Variants in SUCLG1 observed in about 807,000 individuals in gnomAD.
SUCLG1 encodes the protein succinate--CoA ligase [ADP/GDP-forming] subunit alpha, mitochondrial.
In SUCLG1, 26 loss-of-function variants were observed where a neutral mutation model predicts 37.3. The observed-to-expected ratio is 0.70, with a 90% CI of 0.51 to 0.97. The LOEUF (loss-of-function observed/expected upper bound fraction) is 0.97, where lower values mean the gene tolerates loss of function less well. Ranked by LOEUF, SUCLG1 falls within the 50% of genes least tolerant of loss-of-function variation. The pLI is 0.00. For synonymous variants in SUCLG1, 163 were observed against 155.6 expected (o/e 1.05, Z -0.36); for missense variants, 433 against 432.9 (o/e 1.00, Z 0.00).
intron 8 of SUCLG1, among the ~76,000 whole-genome samples, chr2:84,424,561 G>A (rs755192004): frequency 1.3e-5 from 2 of 152,016 alleles, no homozygotes; most frequent in Non-Finnish European, 2.9e-5. Flanking sequence ...CTAAGACAAG[G>A]GCAAAGAAGA....
At chr2:84,433,885 C>T (rs942150553) in intron 5 of SUCLG1, 4 of 193,104 alleles carry the variant, frequency 2.1e-5, no homozygotes, top group Non-Finnish European at 4.3e-5. Flanking sequence ...AGGTGGGGCC[C>T]GGTGGGAGGT....
At chr2:84,436,731 A>C (rs2104248810) in intron 5 of SUCLG1, among the ~76,000 whole-genome samples, 1 of 152,368 alleles carries the variant, frequency 6.6e-6, no homozygotes, top group South Asian at 2.1e-4. Flanking sequence ...AATTAAGAAC[A>C]ATGTTCTCCT....
intron 2 of SUCLG1, among the ~76,000 whole-genome samples, chr2:84,445,589 C>T (rs1025821718): frequency 2.0e-4 from 31 of 152,204 alleles, no homozygotes; most frequent in African/African-American, 6.3e-4. Flanking sequence ...GACAACTTCA[C>T]GCCTTACAGA....
chr2:84,449,879 G>T (rs1203836114), intron 1 of SUCLG1, 127 bp from the exon 2 acceptor site: 2 of 648,476 alleles, frequency 3.1e-6, no homozygotes, highest in Non-Finnish European at 5.3e-6. Flanking sequence ...CTGTGATCAC[G>T]GCAAACCTAA....
intron 1 of SUCLG1, among the ~76,000 whole-genome samples, chr2:84,449,984 C>CACG (rs2104264399): frequency 6.6e-6 from 1 of 152,124 alleles, no homozygotes; most frequent in South Asian, 2.1e-4. Flanking sequence ...TATCAAGAAC[C>CACG]ACGATCTTGT....
At chr2:84,456,830 AT>A (rs1673028239) in intron 1 of SUCLG1, among the ~76,000 whole-genome samples, 1 of 151,836 alleles carries the variant, frequency 6.6e-6, no homozygotes, top group South Asian at 2.1e-4. Context: ...CACCTGGCTA[AT>A]TTTTGTATTT....
rs2104266028 is a variant in SUCLG1 at position 84,451,348 on chromosome 2, G to T, written c.98-1596C>A. Among the ~76,000 whole-genome samples, 3 of 152,302 alleles carry T rather than the reference G, an allele frequency of 2.0e-5. 1 individual carries two copies. The Middle Eastern group carries it at 0.01, about 518-fold the overall frequency. On this transcript the variant is annotated intron_variant, in intron 1 of 8. Transcript: ENST00000393868. Reference sequence around the variant, plus strand: ...GGTAGAAGATTTGATTATAAGATCAGATGTTATGATCAGGATATCTGGAGT... The same window carrying T: ...GGTAGAAGATTTGATTATAAGATCATATGTTATGATCAGGATATCTGGAGT...
Position 84,423,730 on chromosome 2 carries a change from G to A in SUCLG1, c.*16C>T, listed in dbSNP as rs1672490864. The A allele has an allele frequency of 1.3e-6, 2 of 1,597,744 alleles. No individual in the cohort carries two copies. The highest frequency in any genetic ancestry group is 1.3e-5 in the African/African-American group (1 of 74,764). On this transcript the variant is annotated 3_prime_UTR_variant, in exon 9 of 9. Coordinates refer to ENST00000393868, the MANE Select transcript of SUCLG1 (RefSeq NM_003849.4). ...TACGTGATCCATTCCACAGTTTTAG[G>A]AATTTTTTTTTTCTTTCATAGCATC...
chr2:84,454,659 A>T (rs575715069), intron 1 of SUCLG1, among the ~76,000 whole-genome samples: 3 of 152,362 alleles, frequency 2.0e-5, no homozygotes, highest in African/African-American at 7.2e-5. Context: ...AAACTGTAAT[A>T]AAGACAATGA....
At chr2:84,457,001 A>T (rs970367998) in intron 1 of SUCLG1, among the ~76,000 whole-genome samples, 1 of 152,124 alleles carries the variant, frequency 6.6e-6, no homozygotes, top group Non-Finnish European at 1.5e-5. Context: ...AGGGCTCCGG[A>T]AGGCATCTAC....
At chr2:84,431,379 G>T in intron 7 of SUCLG1, 129 bp downstream of exon 7, 3 of 1,127,878 alleles carry the variant, frequency 2.7e-6, no homozygotes, top group Non-Finnish European at 3.9e-6. Flanking sequence ...AGTATAGAAG[G>T]CCCTGCTCAG....
intron 3 of SUCLG1, 62 bp downstream of exon 3, chr2:84,443,222 C>G (rs994591984): frequency 5.4e-5 from 77 of 1,414,080 alleles, no homozygotes; most frequent in Non-Finnish European, 9.0e-6. Flanking sequence ...GATCTCTACC[C>G]AAAGAATGCT....
chr2:84,456,653 T>A (rs1170348382), intron 1 of SUCLG1, among the ~76,000 whole-genome samples: 1 of 152,048 alleles, frequency 6.6e-6, no homozygotes, highest in African/African-American at 2.4e-5. Flanking sequence ...CCACTTCAAC[T>A]GGATCCTTTT....
intron 2 of SUCLG1, among the ~76,000 whole-genome samples, chr2:84,447,496 A>G (rs774905169): frequency 1.3e-5 from 2 of 152,196 alleles, no homozygotes; most frequent in Non-Finnish European, 2.9e-5. Flanking sequence ...ATGTCACATA[A>G]TCATATAATA....
intron 7 of SUCLG1, chr2:84,425,877 T>C (rs1046220387): frequency 2.4e-5 from 11 of 465,852 alleles, no homozygotes; most frequent in African/African-American, 2.2e-4. Context: ...CATGACGCTA[T>C]CATTTGAAAA....
rs192187935 is a variant in SUCLG1 at position 84,454,349 on chromosome 2, G to A, written c.98-4597C>T. ...AGGCGCAGCCCTCACTGTAAAACAC[G>A]GACAATAATAGTATCTCCTTCATAG... On this transcript the variant is annotated intron_variant, in intron 1 of 8. Transcript: ENST00000393868. Among the ~76,000 whole-genome samples the A allele has an allele frequency of 2.4e-3, 360 of 152,286 alleles. 2 individuals are homozygous for A. In the Middle Eastern group the frequency reaches 0.027, roughly 12 times the overall value.
At chr2:84,443,426 T>C (rs761610166) in intron 2 of SUCLG1, 26 bp from the exon 3 acceptor site, 15 of 1,603,982 alleles carry the variant, frequency 9.4e-6, no homozygotes, top group Non-Finnish European at 1.3e-5. Flanking sequence ...ACAAGATCCA[T>C]GAGAAACAGC....
intron 6 of SUCLG1, chr2:84,432,403 C>G (rs1052697266): frequency 6.6e-6 from 1 of 152,206 alleles, no homozygotes; most frequent in Non-Finnish European, 1.5e-5. Context: ...AAGTGCCAAC[C>G]GTGTGTCAAG....
At position 84,434,958 on chromosome 2, in the gene SUCLG1, C is replaced by T. The variant is rs547026746; in HGVS notation, c.590-1523G>A. The stretch of plus-strand genomic sequence containing the variant: ...CGTAACTTAGTCATTGCTAAGCAGA[C>T]CCTACAGAACACTGTCAGATTGCTC... On this transcript the variant is annotated intron_variant, in intron 5 of 8. Transcript: ENST00000393868. 4.6e-5 allele frequency among the ~76,000 whole-genome samples: 7 copies of T among 152,278 alleles called. No homozygotes were observed. In the East Asian group the frequency reaches 1.4e-3, roughly 29 times the overall value.
Sources: allele counts gnomAD v4.1 joint callset (sites outside exome capture counted in the v4.1 genomes callset), GRCh38; gene constraint gnomAD v4.1.1; transcripts MANE v1.5; gene names NCBI Gene and HGNC (gene_info 2026-07-23, HGNC 2026-07-21).